KAT14: variants seen among roughly 807,000 people sequenced by gnomAD.
KAT14 encodes the protein lysine acetyltransferase 14.
A neutral mutation model predicts 78.4 loss-of-function variants in KAT14; 66 were observed. The ratio of observed to expected loss-of-function variants is 0.84; its 90% confidence interval spans 0.69 to 1.03. The LOEUF is 1.03. Ranked by LOEUF, KAT14 falls within the 50% of genes least tolerant of loss-of-function variation. The probability of loss-of-function intolerance (pLI) is 0.00; values close to 1 mark genes in which losing one functional copy is unlikely to be tolerated. For synonymous variants in KAT14, 344 were observed against 359.4 expected (o/e 0.96, Z 0.48); for missense variants, 870 against 972.5 (o/e 0.89, Z 1.40).
intron 4 of KAT14, among the ~76,000 whole-genome samples, chr20:18,155,522 A>G (rs1339854673): frequency 6.6e-6 from 1 of 152,160 alleles, no homozygotes; most frequent in Non-Finnish European, 1.5e-5. Flanking sequence ...CTAATCATAG[A>G]GGTGAAAAGA....
chr20:18,164,345 G>A lies in KAT14; in HGVS notation c.1668+1400G>A, dbSNP rs574060959. On this transcript the variant is annotated intron_variant, in intron 7 of 10. Transcript: ENST00000688188. ...GAGCCTCTCCAGTCTTCTGCCCGTG[G>A]AGGGAAAGATCATTTCCTAGATGTG... Among the ~76,000 whole-genome samples the A allele has an allele frequency of 5.9e-5, 9 of 152,232 alleles. No homozygotes were observed. The East Asian group carries it at 1.7e-3, about 29-fold the overall frequency.
At chr20:18,141,899 A>C (rs1356263730) in intron 1 of KAT14, among the ~76,000 whole-genome samples, 1 of 152,154 alleles carries the variant, frequency 6.6e-6, no homozygotes, top group African/African-American at 2.4e-5. Flanking sequence ...AAAATAAATA[A>C]AAAAAAATTT....
chr20:18,138,222 G>C (rs2037373287), intron 1 of KAT14, 171 bp downstream of exon 1: 3 of 1,259,706 alleles, frequency 2.4e-6, no homozygotes, highest in African/African-American at 3.1e-5. Flanking sequence ...GCTCTGCTGG[G>C]CTCCGGGCGC....
chr20:18,161,802 G>A, intron 5 of KAT14, 21 bp from the exon 6 acceptor site: 1 of 1,606,256 alleles, frequency 6.2e-7, no homozygotes, highest in Non-Finnish European at 8.5e-7. Flanking sequence ...TACTCAGCCT[G>A]TATTTATTCT....
At chr20:18,179,314 A>G (rs2039163978) in intron 7 of KAT14, among the ~76,000 whole-genome samples, 1 of 151,830 alleles carries the variant, frequency 6.6e-6, no homozygotes, top group East Asian at 1.9e-4. Context: ...CCCAGTAGGG[A>G]CTCTGTGTGG....
intron 7 of KAT14, among the ~76,000 whole-genome samples, chr20:18,166,317 T>TAA (rs2038640452): frequency 6.6e-6 from 1 of 152,198 alleles, no homozygotes; most frequent in South Asian, 2.1e-4. Context: ...GCTAATAGCC[T>TAA]AAAACTTTCC....
chr20:18,183,711 G>GT (rs1427056361), intron 9 of KAT14: 1 of 229,752 alleles, frequency 4.4e-6, no homozygotes, highest in African/African-American at 2.3e-5. Flanking sequence ...GCCAGAAGGT[G>GT]TTTTTTAAAA....
At chr20:18,146,799 C>T (rs1193352740) in intron 3 of KAT14, among the ~76,000 whole-genome samples, 4 of 151,634 alleles carry the variant, frequency 2.6e-5, no homozygotes, top group South Asian at 2.1e-4. Context: ...GAGCTGTGAT[C>T]GAGCCACTGT....
chr20:18,142,848 A>G lies in KAT14; in HGVS notation c.188A>G (p.Glu63Gly). Residue 63 changes from glutamate (E) to glycine (G), a missense_variant, in exon 2 of 11, where the codon GAA becomes GGA. By Grantham distance (98) the Glu-to-Gly change is moderately conservative. Transcript: ENST00000688188. ...AGTGGGGATTCCCTCAACAGTGATGAAGGAGACGTGTCTTGGATGGAGGAG... is the reference window on the plus strand; with the variant it reads ...AGTGGGGATTCCCTCAACAGTGATGGAGGAGACGTGTCTTGGATGGAGGAG... ...DQSGDSLNSDEGDVSWMEEQL... is the reference protein window; with the variant it reads ...DQSGDSLNSDGGDVSWMEEQL... 2 of 1,614,198 alleles carry G rather than the reference A, an allele frequency of 1.2e-6. No individual in the cohort carries two copies. The highest frequency in any genetic ancestry group is 1.7e-6 in the Non-Finnish European group (2 of 1,180,026).
intron 3 of KAT14, among the ~76,000 whole-genome samples, chr20:18,148,202 T>G (rs1302080756): frequency 1.3e-5 from 2 of 152,220 alleles, no homozygotes; most frequent in Non-Finnish European, 2.9e-5. Flanking sequence ...GTAGAAATGC[T>G]TGTAACACAA....
intron 7 of KAT14, among the ~76,000 whole-genome samples, chr20:18,169,550 G>C (rs1219831040): frequency 2.6e-5 from 4 of 152,152 alleles, no homozygotes; most frequent in Non-Finnish European, 5.9e-5. Context: ...GAACTTAATT[G>C]GTAAATGTGT....
At chr20:18,186,762 G>A (rs1044227496) in intron 10 of KAT14, among the ~76,000 whole-genome samples, 1 of 152,126 alleles carries the variant, frequency 6.6e-6, no homozygotes, top group Non-Finnish European at 1.5e-5. Flanking sequence ...GACAGAAGGT[G>A]GACTTTGGGA....
chr20:18,184,628 T>A lies in KAT14; in HGVS notation c.2008T>A (p.Tyr670Asn). 3 of 1,613,514 alleles carry A rather than the reference T, an allele frequency of 1.9e-6. No individual in the cohort carries two copies. The highest frequency in any genetic ancestry group is 2.5e-6 in the Non-Finnish European group (3 of 1,179,884). The change falls in exon 10 of 11, where the codon TAC (tyrosine) becomes AAC (asparagine). Residue 670 changes from tyrosine to asparagine, a missense_variant. Tyr to Asn is a moderately radical substitution (Grantham distance 143). Transcript: ENST00000688188. Reference sequence around the variant, plus strand: ...CATTGACCTGTCTGAGTGTCTGCAGTACCCAGACTTCAGTGTTGTTGTTCT... The same window carrying A: ...CATTGACCTGTCTGAGTGTCTGCAGAACCCAGACTTCAGTGTTGTTGTTCT... ...PGIDLSECLQ[Y>N]PDFSVVVLYK...
chr20:18,148,470 A>C (rs2146365115), intron 3 of KAT14, among the ~76,000 whole-genome samples: 1 of 152,212 alleles, frequency 6.6e-6, no homozygotes, highest in East Asian at 1.9e-4. Context: ...TTATTTTTCT[A>C]GTGTTCTTCA....
intron 2 of KAT14, among the ~76,000 whole-genome samples, chr20:18,143,583 G>A (rs1428184929): frequency 6.7e-6 from 1 of 148,394 alleles, no homozygotes. Flanking sequence ...CCAAGTAGCT[G>A]GGATTATAGT....
intron 4 of KAT14, 56 bp from the exon 5 acceptor site, chr20:18,159,028 C>G (rs115765172): frequency 2.6e-6 from 4 of 1,547,642 alleles, no homozygotes; most frequent in Non-Finnish European, 2.6e-6. Flanking sequence ...CACAGACTGT[C>G]TTTTCTGTAT....
At position 18,162,903 on chromosome 20, in the gene KAT14, C is replaced by T. The variant is rs139236572; in HGVS notation, c.1626C>T (p.Tyr542=). 2.3e-4 allele frequency: 375 copies of T among 1,614,196 alleles called. No individual in the cohort carries two copies. The highest frequency in any genetic ancestry group is 1.8e-3 in the African/African-American group (132 of 75,056). ...GACTTCCAGCTGGACAAGCCACGTA[C>T]AGAACCACCTGTCAGGACTTCAGAA... ...ISRLPAGQAT[Y]RTTCQDFRIL... The change falls in exon 7 of 11, where the codon TAC becomes TAT. Residue 542 remains tyrosine, a synonymous_variant. Transcript: ENST00000688188.
intron 1 of KAT14, among the ~76,000 whole-genome samples, chr20:18,139,022 CTT>C (rs1337400255): frequency 4.6e-5 from 7 of 152,172 alleles, no homozygotes; most frequent in Admixed American, 3.3e-4. Flanking sequence ...AGTAAACAGT[CTT>C]TTCTTGATTT....
chr20:18,179,698 A>T (rs2039177967), intron 7 of KAT14, among the ~76,000 whole-genome samples: 1 of 152,122 alleles, frequency 6.6e-6, no homozygotes, highest in Admixed American at 6.5e-5. Flanking sequence ...TGTCTTGGGG[A>T]TTAACATTCG....
Sources: allele counts gnomAD v4.1 joint callset (sites outside exome capture counted in the v4.1 genomes callset), GRCh38; gene constraint gnomAD v4.1.1; transcripts MANE v1.5; gene names NCBI Gene and HGNC (gene_info 2026-07-23, HGNC 2026-07-21).